FBN1: variants seen among roughly 807,000 people sequenced by gnomAD.
The protein encoded by FBN1 is fibrillin 1, also known as fibrillin-1.
A neutral mutation model predicts 365.1 loss-of-function variants in FBN1; 29 were observed. The ratio of observed to expected loss-of-function variants is 0.08; its 90% CI spans 0.06 to 0.11. FBN1 has a LOEUF of 0.11. Ranked by LOEUF, FBN1 falls within the 10% of genes least tolerant of loss-of-function variation. The pLI is 1.00. For synonymous variants in FBN1, 1,210 were observed against 1,270.5 expected (o/e 0.95, Z 1.01); for missense variants, 2,476 against 3,703.2 (o/e 0.67, Z 8.60).
At chr15:48,614,798 G>T (rs1361873765) in intron 2 of FBN1, among the ~76,000 whole-genome samples, 2 of 152,116 alleles carry the variant, frequency 1.3e-5, no homozygotes, top group African/African-American at 4.8e-5. Context: ...GGACATGAAA[G>T]CTTCATATAT....
Position 48,503,068 on chromosome 15 carries a change from G to A in FBN1, c.2113+719C>T, listed in dbSNP as rs536910196. Among the ~76,000 whole-genome samples the A allele has an allele frequency of 6.6e-5, 10 of 152,224 alleles. No homozygotes were observed. The South Asian group carries it at 2.1e-3, about 32-fold the overall frequency. On this transcript the variant is annotated intron_variant, in intron 17 of 65. Transcript: ENST00000316623. ...TAATCCCAGCACTTTGGGAGGCCGA[G>A]GCAGGTGGATCACGAGGTCAGGAGT...
intron 6 of FBN1, among the ~76,000 whole-genome samples, chr15:48,592,103 T>C (rs534000126): frequency 3.3e-5 from 5 of 152,344 alleles, no homozygotes; most frequent in East Asian, 1.9e-4. Context: ...TTACGTCCAA[T>C]GGCCGCTTTA....
intron 6 of FBN1, among the ~76,000 whole-genome samples, chr15:48,553,858 T>C (rs1416774388): frequency 6.6e-6 from 1 of 152,134 alleles, no homozygotes; most frequent in Admixed American, 6.6e-5. Context: ...TATTTTAGAA[T>C]TGGAAGGAAA....
intron 2 of FBN1, among the ~76,000 whole-genome samples, chr15:48,623,752 G>A (rs1348926424): frequency 6.6e-6 from 1 of 152,154 alleles, no homozygotes; most frequent in Non-Finnish European, 1.5e-5. Context: ...ACTGCTGAGT[G>A]GAGTAACTCA....
At chr15:48,622,747 T>A (rs1489804469) in intron 2 of FBN1, among the ~76,000 whole-genome samples, 1 of 152,148 alleles carries the variant, frequency 6.6e-6, no homozygotes, top group Non-Finnish European at 1.5e-5. Flanking sequence ...TCTTTACCTA[T>A]ACCTTCAACT....
In FBN1 at chr15:48,460,803, C is replaced by G. The variant is rs147284170; in HGVS notation, c.5225-486G>C. On this transcript the variant is annotated intron_variant, in intron 42 of 65. Coordinates refer to ENST00000316623, the MANE Select transcript of FBN1 (RefSeq NM_000138.5). ...TTTGGGTCAATCAACCAACCTTCAC[C>G]AGTTTTTCAGTTTTTGGAGCTGGAT... 5.0e-3 allele frequency among the ~76,000 whole-genome samples: 760 copies of G among 152,234 alleles called. 6 individuals are homozygous for G. The highest frequency in any genetic ancestry group is 0.018 in the African/African-American group (729 of 41,532).
In FBN1 at chr15:48,465,796, A is replaced by G. The variant is rs1388838983; in HGVS notation, c.4810T>C (p.Leu1604=). 1 of 1,613,732 alleles carries G rather than the reference A, an allele frequency of 6.2e-7. No individual in the cohort carries two copies. Among genetic ancestry groups the G allele is most frequent in the Admixed American group, 1.7e-5 (1 of 60,022 alleles). Residue 1604 remains leucine (L), a synonymous_variant, in exon 39 of 66, where the codon TTG becomes CTG. Transcript: ENST00000316623. ...GFRPNPITVI[L]EDIDECQELP... ...ACAAAGGAAACACAATTACCTTCCA[A>G]TATAACGGTGATAGGATTTGGTCGG...
At chr15:48,420,141 TGA>T (rs57121572) in intron 63 of FBN1, among the ~76,000 whole-genome samples, 1 of 152,192 alleles carries the variant, frequency 6.6e-6, no homozygotes, top group African/African-American at 2.4e-5. Flanking sequence ...TTCAATTTAA[TGA>T]GAGAGTCAGT....
intron 44 of FBN1, among the ~76,000 whole-genome samples, chr15:48,453,182 G>A (rs1024700701): frequency 6.6e-5 from 10 of 151,864 alleles, no homozygotes; most frequent in African/African-American, 2.4e-4. Context: ...TTTGAGCCTG[G>A]GAGATGGAGG....
rs79135421 is a variant in FBN1, at chr15:48,472,167, A to G, written c.4336+384T>C. 5.2e-3 allele frequency among the ~76,000 whole-genome samples: 794 copies of G among 152,346 alleles called. 5 individuals are homozygous for G. Among genetic ancestry groups the G allele is most frequent in the African/African-American group, 0.018 (763 of 41,582 alleles). ...CCATATTTAGTGATAATCCCACAAC[A>G]GGACATTATCAGGGAACTTGCACTT... On this transcript the variant is annotated intron_variant, in intron 35 of 65. Coordinates refer to ENST00000316623, the MANE Select transcript of FBN1 (RefSeq NM_000138.5).
intron 6 of FBN1, among the ~76,000 whole-genome samples, chr15:48,553,116 AT>A (rs1489914311): frequency 2.0e-5 from 3 of 152,274 alleles, no homozygotes; most frequent in East Asian, 3.9e-4. Context: ...GATACGTTCT[AT>A]TTTTTAAATA....
chr15:48,486,998 A>C, intron 29 of FBN1, 77 bp downstream of exon 29: 1 of 1,157,584 alleles, frequency 8.6e-7, no homozygotes, highest in Non-Finnish European at 1.1e-6. Flanking sequence ...AATAAAATAA[A>C]ATAAAATAAC....
chr15:48,417,736 T>C (rs1171870317), intron 63 of FBN1, among the ~76,000 whole-genome samples: 1 of 152,178 alleles, frequency 6.6e-6, no homozygotes, highest in African/African-American at 2.4e-5. Flanking sequence ...AAGTGTGCAA[T>C]AGAGAGCAAC....
rs530891183 is a variant in FBN1 at position 48,525,870 on chromosome 15, G to T, written c.988+260C>A. Among the ~76,000 whole-genome samples, 3 of 152,298 alleles carry T rather than the reference G, an allele frequency of 2.0e-5. No individual in the cohort carries two copies. The East Asian group carries it at 5.8e-4, about 29-fold the overall frequency. ...CTTCAAGGTTTAATGCTGCACGACT[G>T]CAACATTAATTAATAGACTGAAGAT... is the stretch of plus-strand genomic sequence containing the variant. On this transcript the variant is annotated intron_variant, in intron 9 of 65. Coordinates refer to ENST00000316623, the MANE Select transcript of FBN1 (RefSeq NM_000138.5).
At chr15:48,417,335 ACCTGCCTG>A (rs148536878) in intron 63 of FBN1, among the ~76,000 whole-genome samples, 3 of 151,336 alleles carry the variant, frequency 2.0e-5, no homozygotes, top group East Asian at 3.9e-4. Context: ...CACATTTCCT[ACCTGCCTG>A]CCTGCCTGCC....
intron 30 of FBN1, 93 bp from the exon 31 acceptor site, chr15:48,484,036 G>GCCTAC (rs2043486530): frequency 7.8e-7 from 1 of 1,284,520 alleles, no homozygotes; most frequent in Admixed American, 1.7e-5. Context: ...AATAAACTTA[G>GCCTAC]CCTACTAGCA....
intron 17 of FBN1, among the ~76,000 whole-genome samples, chr15:48,502,059 C>T (rs1170383026): frequency 6.6e-6 from 1 of 152,086 alleles, no homozygotes; most frequent in African/African-American, 2.4e-5. Flanking sequence ...GACAGAGTCT[C>T]GCTCTGTCAC....
At chr15:48,521,650 T>C (rs2043856518) in intron 9 of FBN1, among the ~76,000 whole-genome samples, 1 of 152,208 alleles carries the variant, frequency 6.6e-6, no homozygotes. Flanking sequence ...AAAGAGTTTG[T>C]GGCATAGGAA....
chr15:48,585,278 A>G (rs2044426431), intron 6 of FBN1, among the ~76,000 whole-genome samples: 1 of 152,234 alleles, frequency 6.6e-6, no homozygotes, highest in Admixed American at 6.5e-5. Context: ...AAACTCAACC[A>G]TTAGAACATT....
Sources: allele counts gnomAD v4.1 joint callset (sites outside exome capture counted in the v4.1 genomes callset), GRCh38; gene constraint gnomAD v4.1.1; transcripts MANE v1.5; gene names NCBI Gene and HGNC (gene_info 2026-07-23, HGNC 2026-07-21).